The following ZPLD1 variants were observed in gnomAD, a reference collection of about 807,000 sequenced individuals.
ZPLD1 encodes the protein zona pellucida-like domain-containing protein 1.
Under a neutral mutation model 47.2 loss-of-function variants are expected in ZPLD1, and 34 were observed. That is an observed-to-expected ratio of 0.72 (90% CI 0.55 to 0.96). The LOEUF is 0.96. Among genes scored for constraint, ZPLD1 ranks in the 40% least tolerant of loss-of-function variants. ZPLD1 has a pLI of 0.00. For missense variants in ZPLD1, 512 were observed against 505.8 expected (o/e 1.01, Z -0.12); for synonymous variants, 176 against 186.2 (o/e 0.95, Z 0.45).
intron 7 of ZPLD1, among the ~76,000 whole-genome samples, chr3:102,404,614 G>T (rs764968734): frequency 6.6e-6 from 1 of 151,936 alleles, no homozygotes; most frequent in African/African-American, 2.4e-5. Context: ...ATATGATGGT[G>T]AATTTTTCCC....
intron 6 of ZPLD1, among the ~76,000 whole-genome samples, chr3:102,458,982 C>T (rs930612165): frequency 6.8e-6 from 1 of 146,656 alleles, no homozygotes; most frequent in South Asian, 2.2e-4. Context: ...CCCAGCTACT[C>T]GGGAGGCTGA....
At chr3:102,456,583 A>ATCTATCTATCTG in intron 5 of ZPLD1, among the ~76,000 whole-genome samples, 1 of 138,424 alleles carries the variant, frequency 7.2e-6, no homozygotes, top group Middle Eastern at 3.9e-3. Context: ...CTATCTATCT[A>ATCTATCTATCTG]TCTATCTATC....
rs988814693 is a variant in ZPLD1 at position 102,435,097 on chromosome 3, C to T, written c.-180C>T. 6.2e-7 allele frequency: 1 copy of T among 1,614,076 alleles called. No individual in the cohort carries two copies. The highest frequency in any genetic ancestry group is 8.5e-7 in the Non-Finnish European group (1 of 1,179,946). ...AGGGACTGTGCTAAAATAGCATCTC[C>T]AAGCTTGCTATGGCAAGATGATGCT... On this transcript the variant is annotated 5_prime_UTR_variant, in exon 1 of 12. Coordinates refer to ENST00000466937, the MANE Select transcript of ZPLD1 (RefSeq NM_001329788.2).
upstream of ZPLD1, chr3:102,434,995 T>C: frequency 2.7e-6 from 3 of 1,106,024 alleles, no homozygotes; most frequent in Non-Finnish European, 4.0e-6. Context: ...GCAGCCAGGA[T>C]GATATGTTTT....
chr3:102,442,082 T>C (rs1301340631), intron 3 of ZPLD1, among the ~76,000 whole-genome samples: 1 of 152,080 alleles, frequency 6.6e-6, no homozygotes, highest in Non-Finnish European at 1.5e-5. Context: ...AAGAATCCTA[T>C]CTAGTTTTCA....
At chr3:102,398,402 G>A (rs1348814482) in intron 7 of ZPLD1, among the ~76,000 whole-genome samples, 1 of 152,078 alleles carries the variant, frequency 6.6e-6, no homozygotes, top group African/African-American at 2.4e-5. Flanking sequence ...CTGATTTGTT[G>A]TTTGACCTAA....
At chr3:102,398,659 A>T (rs1706583619) in intron 7 of ZPLD1, among the ~76,000 whole-genome samples, 2 of 152,152 alleles carry the variant, frequency 1.3e-5, no homozygotes, top group Non-Finnish European at 2.9e-5. Flanking sequence ...ATTACTGACC[A>T]TCTTCAATGT....
At chr3:102,459,089 CAAAAA>C (rs767071660) in intron 6 of ZPLD1, among the ~76,000 whole-genome samples, 2 of 25,852 alleles carry the variant, frequency 7.7e-5, no homozygotes, top group African/African-American at 1.1e-4. Context: ...GACTCCGTCT[CAAAAA>C]AAAAAAAAAA....
intron 10 of ZPLD1, among the ~76,000 whole-genome samples, chr3:102,472,765 C>A (rs1707704542): frequency 6.6e-6 from 1 of 152,200 alleles, no homozygotes; most frequent in East Asian, 1.9e-4. Flanking sequence ...TTCTTCTGTT[C>A]ATCTTGGGTA....
At chr3:102,407,574 A>G (rs1706705004) in intron 7 of ZPLD1, among the ~76,000 whole-genome samples, 1 of 150,606 alleles carries the variant, frequency 6.6e-6, no homozygotes, top group Non-Finnish European at 1.5e-5. Context: ...TTTCATTTCA[A>G]TGATTGATTA....
At chr3:102,463,776 A>G (rs1358965527) in intron 7 of ZPLD1, among the ~76,000 whole-genome samples, 1 of 152,056 alleles carries the variant, frequency 6.6e-6, no homozygotes, top group Non-Finnish European at 1.5e-5. Context: ...GCGGTGGCTC[A>G]CGCCTGTAAT....
At chr3:102,465,565 G>A (rs147437372) in intron 8 of ZPLD1, among the ~76,000 whole-genome samples, 10 of 152,096 alleles carry the variant, frequency 6.6e-5, no homozygotes, top group Non-Finnish European at 1.3e-4. Flanking sequence ...GCTTGGTAGG[G>A]TTATGGATTT....
chr3:102,438,646 T>A (rs1576147430), intron 3 of ZPLD1, 53 bp downstream of exon 3: 1 of 1,378,176 alleles, frequency 7.3e-7, no homozygotes, highest in East Asian at 2.3e-5. Context: ...GTGATTATAT[T>A]TGAAGAGCAA....
At chr3:102,466,961 A>G (rs1408696790) in intron 8 of ZPLD1, among the ~76,000 whole-genome samples, 5 of 152,068 alleles carry the variant, frequency 3.3e-5, no homozygotes, top group Non-Finnish European at 5.9e-5. Context: ...TCTTACATTG[A>G]TATAATGAAA....
At chr3:102,411,896 T>A (rs2107299535) in intron 7 of ZPLD1, among the ~76,000 whole-genome samples, 1 of 151,910 alleles carries the variant, frequency 6.6e-6, no homozygotes, top group South Asian at 2.1e-4. Context: ...CTCTATCAAT[T>A]TATATATCTA....
At chr3:102,468,511 CT>C (rs1167895888) in intron 8 of ZPLD1, among the ~76,000 whole-genome samples, 1 of 152,122 alleles carries the variant, frequency 6.6e-6, no homozygotes, top group African/African-American at 2.4e-5. Context: ...ACTGCTAAAT[CT>C]TTAAAAGGCG....
chr3:102,462,909 C>A (rs142425816), intron 7 of ZPLD1, among the ~76,000 whole-genome samples: 1 of 151,974 alleles, frequency 6.6e-6, no homozygotes, highest in African/African-American at 2.4e-5. Context: ...AAGCTCTAAC[C>A]GTGCCCTATA....
chr3:102,421,211 T>C (rs964835675), intron 8 of ZPLD1, among the ~76,000 whole-genome samples: 3 of 151,940 alleles, frequency 2.0e-5, no homozygotes, highest in Non-Finnish European at 4.4e-5. Context: ...GAGTTACAAC[T>C]ACACTATCTC....
chr3:102,389,705 G>A (rs986885424), intron 6 of ZPLD1, among the ~76,000 whole-genome samples: 5 of 152,066 alleles, frequency 3.3e-5, no homozygotes, highest in Admixed American at 2.6e-4. Context: ...TAGCTTTCTG[G>A]TTGTATAGCT....
Sources: gnomAD v4.1 joint callset for allele counts (sites outside exome capture counted in the v4.1 genomes callset) on GRCh38, gnomAD v4.1.1 for gene constraint, MANE v1.5 for transcripts, NCBI Gene and HGNC (gene_info 2026-07-23, HGNC 2026-07-21) for gene names.